Variants in FGF13 observed in about 807,000 individuals in gnomAD.
FGF13 encodes the protein fibroblast growth factor homologous factor 2.
A neutral mutation model predicts 19.5 loss-of-function variants in FGF13; 2 were observed. The observed-to-expected ratio is 0.10, with a 90% CI of 0.04 to 0.32. FGF13 has a LOEUF of 0.32. Among genes scored for constraint, FGF13 ranks in the 10% least tolerant of loss-of-function variants. FGF13 has a pLI of 1.00. For missense variants in FGF13, 113 were observed against 192.7 expected, an observed-to-expected ratio of 0.59 and a Z score of 2.45; for synonymous variants, 72 against 76.9, an observed-to-expected ratio of 0.94 and a Z score of 0.33.
Position 138,729,859 on chromosome X carries a change from G to A in FGF13, c.28+9383C>T, listed in dbSNP as rs1355110221. Among the ~76,000 whole-genome samples, 3 of 110,912 alleles carry A rather than the reference G, an allele frequency of 2.7e-5. No individual in the cohort carries two copies. In the East Asian group the frequency reaches 8.6e-4, roughly 32 times the overall value. Reference sequence around the variant, plus strand: ...ATATAACTGCTGACCAAAACAATGAGGGAAAGAAGACAATGGAATATCTCA... The same window carrying A: ...ATATAACTGCTGACCAAAACAATGAAGGAAAGAAGACAATGGAATATCTCA... On this transcript the variant is annotated intron_variant, in intron 1 of 4. Coordinates refer to the FGF13 transcript ENST00000305414.
intron 3 of FGF13, among the ~76,000 whole-genome samples, chrX:138,843,294 T>C (rs926155906): frequency 8.9e-6 from 1 of 112,314 alleles, no homozygotes; most frequent in African/African-American, 3.2e-5. Flanking sequence ...GGTTACCACA[T>C]AGGTGAGAAA....
intron 1 of FGF13, among the ~76,000 whole-genome samples, chrX:138,939,162 T>C (rs764411676): frequency 8.9e-6 from 1 of 112,150 alleles, no homozygotes; most frequent in Admixed American, 9.5e-5. Context: ...AGATTTTCAC[T>C]CTTGGTTGAG....
At chrX:138,771,910 A>G (rs2090547624) in intron 3 of FGF13, among the ~76,000 whole-genome samples, 1 of 107,611 alleles carries the variant, frequency 9.3e-6, no homozygotes, top group Admixed American at 1.0e-4. Flanking sequence ...AAGAGAGCAT[A>G]TAAATTTATT....
intron 1 of FGF13, among the ~76,000 whole-genome samples, chrX:139,164,667 T>C (rs1308341451): frequency 9.8e-6 from 1 of 102,470 alleles, no homozygotes; most frequent in African/African-American, 3.6e-5. Context: ...CCAACCTGGG[T>C]GATAGAGTGA....
intron 1 of FGF13, among the ~76,000 whole-genome samples, chrX:139,093,534 T>C (rs1468932664): frequency 1.8e-5 from 2 of 112,156 alleles, no homozygotes; most frequent in African/African-American, 6.5e-5. Flanking sequence ...GATAGTGAAG[T>C]GGGCTCTAAA....
chrX:138,856,033 T>C (rs1019363933), downstream of FGF13, among the ~76,000 whole-genome samples: 1 of 110,205 alleles, frequency 9.1e-6, no homozygotes, highest in Non-Finnish European at 1.9e-5. Context: ...AATATTGGAA[T>C]GTAGTATATA....
intron 3 of FGF13, among the ~76,000 whole-genome samples, chrX:138,843,820 A>G (rs922855591): frequency 7.2e-5 from 8 of 111,678 alleles, no homozygotes; most frequent in African/African-American, 2.3e-4. Context: ...CACATAGCCT[A>G]TTTCCTCCCT....
intron 3 of FGF13, among the ~76,000 whole-genome samples, chrX:138,677,180 T>C (rs894123295): frequency 8.9e-6 from 1 of 111,925 alleles, no homozygotes; most frequent in Non-Finnish European, 1.9e-5. Flanking sequence ...AATTGTGGGA[T>C]GGTAGCTTAA....
chrX:138,870,352 C>G (rs1273909715), intron 1 of FGF13, among the ~76,000 whole-genome samples: 1 of 110,384 alleles, frequency 9.1e-6, no homozygotes, highest in African/African-American at 3.4e-5. Context: ...TCACATTTAA[C>G]AGAGAGAAAA....
At chrX:138,976,272 A>G (rs1452060607) in intron 1 of FGF13, among the ~76,000 whole-genome samples, 1 of 111,687 alleles carries the variant, frequency 9.0e-6, no homozygotes, top group Non-Finnish European at 1.9e-5. Context: ...AAAATTGTGA[A>G]TTGCAAAGAC....
intron 3 of FGF13, among the ~76,000 whole-genome samples, chrX:138,692,737 T>C (rs762062268): frequency 1.6e-4 from 18 of 111,406 alleles, no homozygotes; most frequent in Admixed American, 7.7e-4. Flanking sequence ...TGTGTGTGTG[T>C]AAATCCCCTT....
At chrX:139,194,663 TG>T (rs1371073328) in intron 1 of FGF13, among the ~76,000 whole-genome samples, 2 of 111,478 alleles carry the variant, frequency 1.8e-5, no homozygotes, top group Non-Finnish European at 3.8e-5. Flanking sequence ...CCTTGATAGG[TG>T]TCGCTAAGGG....
chrX:138,994,581 T>C (rs1171195708), intron 1 of FGF13, among the ~76,000 whole-genome samples: 2 of 111,766 alleles, frequency 1.8e-5, no homozygotes, highest in Non-Finnish European at 3.8e-5. Context: ...CCTATACATA[T>C]AGGTTACAGA....
At chrX:139,175,592 G>A (rs1366395775) in intron 1 of FGF13, among the ~76,000 whole-genome samples, 1 of 111,773 alleles carries the variant, frequency 8.9e-6, no homozygotes, top group Non-Finnish European at 1.9e-5. Context: ...CTAGTTTATA[G>A]AGAGTTTTTA....
chrX:139,105,867 G>A (rs1341637590), intron 1 of FGF13, among the ~76,000 whole-genome samples: 1 of 111,918 alleles, frequency 8.9e-6, no homozygotes, highest in Admixed American at 9.5e-5. Flanking sequence ...GATTACAATA[G>A]GGCTTTTTTC....
intron 3 of FGF13, among the ~76,000 whole-genome samples, chrX:138,825,668 C>G (rs907516905): frequency 1.8e-5 from 2 of 111,641 alleles, no homozygotes; most frequent in African/African-American, 6.5e-5. Flanking sequence ...CCTCAGTTTT[C>G]TCATTCGCAA....
rs56411673 is a variant in FGF13, at chrX:138,772,018, G to GTATATATA, written c.218-63098_218-63091dup. Among the ~76,000 whole-genome samples, 118 of 56,508 alleles carry GTATATATA rather than the reference G, an allele frequency of 2.1e-3. 2 individuals carry two copies. The highest frequency in any genetic ancestry group is 3.1e-3 in the East Asian group (5 of 1,605). 49.1% of individuals were successfully genotyped at this position (56,508 alleles called of 115,157 possible). A position where few individuals can be genotyped will look rare whatever the true frequency, so the allele number is the denominator to read the frequency against. On this transcript the variant is annotated intron_variant, in intron 3 of 6. Transcript: ENST00000436198. ...AAAGCAAATATTAAGATACATATGT[G>GTATATATA]TATATATATATATATATATATATAT... is the stretch of plus-strand genomic sequence containing the variant.
intron 3 of FGF13, among the ~76,000 whole-genome samples, chrX:138,685,871 C>T (rs912876959): frequency 2.7e-4 from 29 of 109,025 alleles, no homozygotes; most frequent in African/African-American, 9.6e-4. Flanking sequence ...AAACTTTTGA[C>T]CCTCAATGTA....
chrX:138,836,090 G>A (rs150157813), intron 3 of FGF13, among the ~76,000 whole-genome samples: 1,385 of 110,952 alleles, frequency 0.012, 16 homozygotes, highest in Non-Finnish European at 0.021. Context: ...AGGTGACCTG[G>A]CCTTTCTCTC....
Sources: allele counts gnomAD v4.1 joint callset (sites outside exome capture counted in the v4.1 genomes callset), GRCh38; gene constraint gnomAD v4.1.1; transcripts MANE v1.5; gene names NCBI Gene and HGNC (gene_info 2026-07-23, HGNC 2026-07-21).